Variants in GLT8D2 observed in about 807,000 individuals in gnomAD.
GLT8D2 encodes glycosyltransferase 8 domain containing 2.
In GLT8D2, 45 loss-of-function variants were observed where a neutral mutation model predicts 44.5. That is an observed-to-expected ratio of 1.01 (90% CI 0.80 to 1.30). The LOEUF is 1.30. Ranked by LOEUF, GLT8D2 falls within the 50% of genes most tolerant of loss-of-function variation. The pLI is 0.00. For missense variants in GLT8D2, 400 were observed against 430.4 expected, an observed-to-expected ratio of 0.93 and a Z score of 0.62; for synonymous variants, 156 against 157.2, an observed-to-expected ratio of 0.99 and a Z score of 0.06.
At chr12:104,005,999 A>T (rs1259155460) in intron 4 of GLT8D2, among the ~76,000 whole-genome samples, 9 of 152,170 alleles carry the variant, frequency 5.9e-5, no homozygotes, top group Non-Finnish European at 8.8e-5. Flanking sequence ...TCCATCAATG[A>T]TAGACTGGAT....
intron 1 of GLT8D2, among the ~76,000 whole-genome samples, chr12:104,060,545 GAT>G: frequency 6.6e-6 from 1 of 152,108 alleles, no homozygotes; most frequent in Non-Finnish European, 1.5e-5. Context: ...ACTTTATTTG[GAT>G]ATGGGATCCT....
chr12:104,007,786 TG>T (rs1217634002), intron 4 of GLT8D2, among the ~76,000 whole-genome samples: 1 of 152,228 alleles, frequency 6.6e-6, no homozygotes, highest in Non-Finnish European at 1.5e-5. Flanking sequence ...TCCCACATGT[TG>T]TGGGAGGGAC....
chr12:104,034,431 C>T (rs1026881877), intron 1 of GLT8D2, among the ~76,000 whole-genome samples: 19 of 152,374 alleles, frequency 1.2e-4, no homozygotes, highest in Middle Eastern at 3.4e-3. Context: ...CGGGACACTC[C>T]CACCCAAATA....
chr12:104,009,412 C>T (rs1407644759), intron 4 of GLT8D2, among the ~76,000 whole-genome samples: 4 of 152,234 alleles, frequency 2.6e-5, no homozygotes. Context: ...TTTGGAATGG[C>T]TGTATTTACC....
chr12:104,055,397 AC>A (rs1882097349), intron 1 of GLT8D2, among the ~76,000 whole-genome samples: 1 of 152,164 alleles, frequency 6.6e-6, no homozygotes, highest in Admixed American at 6.5e-5. Flanking sequence ...GGTCCCTGGC[AC>A]TCTGTCATTC....
intron 4 of GLT8D2, among the ~76,000 whole-genome samples, chr12:104,009,595 A>T (rs1413573120): frequency 6.6e-6 from 1 of 152,106 alleles, no homozygotes; most frequent in Non-Finnish European, 1.5e-5. Flanking sequence ...AGAAGGCATG[A>T]TTGGTTTTGA....
intron 10 of GLT8D2, among the ~76,000 whole-genome samples, chr12:103,991,312 G>A (rs536354995): frequency 1.5e-4 from 23 of 152,184 alleles, no homozygotes; most frequent in East Asian, 7.7e-4. Flanking sequence ...TCAGCCTCCC[G>A]AATAACTGGG....
At chr12:104,062,496 A>G (rs1593583251) in intron 1 of GLT8D2, among the ~76,000 whole-genome samples, 1 of 152,214 alleles carries the variant, frequency 6.6e-6, no homozygotes, top group East Asian at 1.9e-4. Flanking sequence ...AGAAATTGAA[A>G]ATGGTAAAAT....
At chr12:104,035,251 G>T (rs574969455) in intron 1 of GLT8D2, among the ~76,000 whole-genome samples, 1 of 152,172 alleles carries the variant, frequency 6.6e-6, no homozygotes, top group Non-Finnish European at 1.5e-5. Flanking sequence ...AAACCAGAGC[G>T]CCTCTTCTCC....
intron 1 of GLT8D2, among the ~76,000 whole-genome samples, chr12:104,034,481 A>C (rs994053978): frequency 1.5e-4 from 23 of 152,256 alleles, no homozygotes; most frequent in African/African-American, 5.3e-4. Flanking sequence ...GCACACCAGG[A>C]GATTACATCC....
chr12:103,990,297 A>T (rs1297978746), intron 10 of GLT8D2, among the ~76,000 whole-genome samples: 1 of 151,934 alleles, frequency 6.6e-6, no homozygotes, highest in Non-Finnish European at 1.5e-5. Flanking sequence ...TCCTTAATGA[A>T]AAATGGCAAC....
At chr12:104,009,188 C>T (rs940423662) in intron 4 of GLT8D2, among the ~76,000 whole-genome samples, 15 of 152,222 alleles carry the variant, frequency 9.9e-5, no homozygotes, top group African/African-American at 3.6e-4. Context: ...ACACTCAATG[C>T]CAGCCCATGA....
At chr12:104,063,029 T>C (rs1566219904) in intron 1 of GLT8D2, among the ~76,000 whole-genome samples, 1 of 152,072 alleles carries the variant, frequency 6.6e-6, no homozygotes, top group Non-Finnish European at 1.5e-5. Context: ...GAGAATCTTA[T>C]GCCTGATGAT....
At chr12:104,031,200 G>A (rs1017069497) in intron 1 of GLT8D2, 2 of 1,610,852 alleles carry the variant, frequency 1.2e-6, no homozygotes, top group Non-Finnish European at 1.7e-6. Flanking sequence ...AAGGATCGCA[G>A]GTATGCAGAC....
At chr12:104,006,404 A>T (rs918519086) in intron 4 of GLT8D2, among the ~76,000 whole-genome samples, 5 of 152,108 alleles carry the variant, frequency 3.3e-5, no homozygotes, top group African/African-American at 1.2e-4. Flanking sequence ...AATAAAAGAA[A>T]CTGGCTGAAA....
intron 1 of GLT8D2, among the ~76,000 whole-genome samples, chr12:104,038,241 G>A (rs1307428758): frequency 6.6e-6 from 1 of 151,940 alleles, no homozygotes; most frequent in Non-Finnish European, 1.5e-5. Context: ...GCACAAGACA[G>A]GGATGCCCTC....
chr12:103,997,517 A>C lies in GLT8D2; in HGVS notation c.421T>G (p.Tyr141Asp), dbSNP rs1461422174. The C allele has an allele frequency of 6.2e-7, 1 of 1,613,326 alleles. No individual in the cohort carries two copies. The highest frequency in any genetic ancestry group is 8.5e-7 in the Non-Finnish European group (1 of 1,179,356). ...TGTTGGTGGATAAGTAGAGGGAGAT[A>C]AAATCGAACAAAGTTCAGCTGTTAA... Reference protein sequence around the residue: ...LLQPLNFVRFYLPLLIHQHEK... With the variant: ...LLQPLNFVRFDLPLLIHQHEK... The change falls in exon 7 of 11, where the codon TAT becomes GAT. Residue 141 changes from tyrosine (Y) to aspartate (D), a missense_variant. Physicochemically the swap from Tyr to Asp is radical, Grantham distance 160. Coordinates refer to ENST00000360814, the MANE Select transcript of GLT8D2 (RefSeq NM_001384711.1).
intron 4 of GLT8D2, among the ~76,000 whole-genome samples, chr12:104,009,285 AC>A (rs1354653324): frequency 1.3e-5 from 2 of 152,200 alleles, no homozygotes; most frequent in African/African-American, 2.4e-5. Context: ...CATCAGCATG[AC>A]CTGGATGCGA....
At chr12:103,989,669 G>T in intron 10 of GLT8D2, 92 bp from the exon 11 acceptor site, 1 of 1,169,512 alleles carries the variant, frequency 8.6e-7, no homozygotes, top group Non-Finnish European at 1.2e-6. Context: ...TTAAAAAAAG[G>T]TAAACAAATA....
Sources: gnomAD v4.1 joint callset for allele counts (sites outside exome capture counted in the v4.1 genomes callset) on GRCh38, gnomAD v4.1.1 for gene constraint, MANE v1.5 for transcripts, NCBI Gene and HGNC (gene_info 2026-07-23, HGNC 2026-07-21) for gene names.